MAF: variants seen among roughly 807,000 people sequenced by gnomAD.
MAF encodes MAF bZIP transcription factor.
A neutral mutation model predicts 22.0 loss-of-function variants in MAF; 10 were observed. The observed-to-expected ratio is 0.45, with a 90% confidence interval of 0.28 to 0.77. MAF has a LOEUF of 0.77. MAF is among the 30% of genes least tolerant of loss of function. The pLI is 0.12. For synonymous variants in MAF, 337 were observed against 255.8 expected (o/e 1.32, Z -3.03); for missense variants, 544 against 548.4 (o/e 0.99, Z 0.08).
At chr16:79,336,459 C>A in the MAF span, among the ~76,000 whole-genome samples, 1 of 152,162 alleles carries the variant, frequency 6.6e-6, no homozygotes, top group South Asian at 2.1e-4. Context: ...TTAGCTTCTT[C>A]AGGGATGCTG....
the MAF span, among the ~76,000 whole-genome samples, chr16:79,478,873 C>T: frequency 6.6e-6 from 1 of 151,150 alleles, no homozygotes; most frequent in Admixed American, 6.6e-5. Flanking sequence ...TACCTATATA[C>T]CATCTTAGTG....
chr16:79,430,142 C>T, the MAF span, among the ~76,000 whole-genome samples: 5 of 152,186 alleles, frequency 3.3e-5, no homozygotes, highest in African/African-American at 1.2e-4. Context: ...ACTCACTGCT[C>T]CCTTCTCCCT....
the MAF span, among the ~76,000 whole-genome samples, chr16:79,517,001 T>C: frequency 6.6e-6 from 1 of 152,232 alleles, no homozygotes; most frequent in African/African-American, 2.4e-5. Context: ...TCTTCTAGGA[T>C]CTGTGAATGG....
At chr16:79,237,592 G>C in the MAF span, among the ~76,000 whole-genome samples, 1 of 152,038 alleles carries the variant, frequency 6.6e-6, no homozygotes, top group African/African-American at 2.4e-5. Context: ...TGGAAATTCT[G>C]AGTAGGTGAG....
At chr16:79,458,192 C>T in the MAF span, among the ~76,000 whole-genome samples, 1 of 148,074 alleles carries the variant, frequency 6.8e-6, no homozygotes, top group Non-Finnish European at 1.5e-5. Flanking sequence ...AGAAAGAGCT[C>T]ATGACTTCCA....
the MAF span, among the ~76,000 whole-genome samples, chr16:79,371,790 G>A: frequency 2.0e-5 from 3 of 152,222 alleles, no homozygotes; most frequent in Non-Finnish European, 4.4e-5. Flanking sequence ...TGTTCTAAAA[G>A]GCCAACAGCT....
chr16:79,324,315 G>C, the MAF span, among the ~76,000 whole-genome samples: 5 of 152,074 alleles, frequency 3.3e-5, no homozygotes, highest in Admixed American at 6.5e-5. Context: ...TGAATTGTGT[G>C]GGTCTGCTTA....
At chr16:79,321,782 C>G in the MAF span, among the ~76,000 whole-genome samples, 1 of 151,074 alleles carries the variant, frequency 6.6e-6, no homozygotes, top group African/African-American at 2.4e-5. Flanking sequence ...TCCCTAGTAG[C>G]TGCGACTACA....
chr16:79,348,022 A>G, the MAF span, among the ~76,000 whole-genome samples: 241 of 151,834 alleles, frequency 1.6e-3, 4 homozygotes, highest in African/African-American at 5.5e-3. Flanking sequence ...TGATGTCTCT[A>G]TTTGCATAGT....
chr16:79,350,545 G>A, the MAF span, among the ~76,000 whole-genome samples: 2 of 152,138 alleles, frequency 1.3e-5, no homozygotes, highest in African/African-American at 2.4e-5. Flanking sequence ...ACCTGACTGC[G>A]TACTCAACAG....
chr16:79,401,620 T>A, the MAF span, among the ~76,000 whole-genome samples: 1 of 152,160 alleles, frequency 6.6e-6, no homozygotes, highest in Non-Finnish European at 1.5e-5. Context: ...AAAGAAATGA[T>A]GCCAGGGTAC....
the MAF span, among the ~76,000 whole-genome samples, chr16:79,254,188 C>T: frequency 2.6e-5 from 4 of 152,096 alleles, no homozygotes; most frequent in South Asian, 4.1e-4. Context: ...TATTATTCAA[C>T]ATTTTCGAAT....
chr16:79,375,633 G>A, the MAF span, among the ~76,000 whole-genome samples: 1 of 152,124 alleles, frequency 6.6e-6, no homozygotes, highest in South Asian at 2.1e-4. Flanking sequence ...ATGACAGCTG[G>A]TATTTAATGC....
chr16:79,223,348 G>A, the MAF span, among the ~76,000 whole-genome samples: 1 of 152,110 alleles, frequency 6.6e-6, no homozygotes, highest in Non-Finnish European at 1.5e-5. Flanking sequence ...GAATCTCTGG[G>A]ACACATTTAA....
intron 1 of MAF, among the ~76,000 whole-genome samples, chr16:79,586,559 G>C (rs1912854563): frequency 6.6e-6 from 1 of 152,160 alleles, no homozygotes; most frequent in African/African-American, 2.4e-5. Flanking sequence ...TGCTTAGAAC[G>C]GTGATATGAA....
chr16:79,361,072 G>C, the MAF span, among the ~76,000 whole-genome samples: 1 of 152,124 alleles, frequency 6.6e-6, no homozygotes, highest in African/African-American at 2.4e-5. Context: ...ACTATGAAAA[G>C]AAAGGCCCAA....
the MAF span, among the ~76,000 whole-genome samples, chr16:79,367,246 A>C: frequency 6.6e-6 from 1 of 152,152 alleles, no homozygotes. Context: ...TCTTTGAGGA[A>C]GTTAGCTCTC....
the MAF span, among the ~76,000 whole-genome samples, chr16:79,372,769 G>T: frequency 2.0e-5 from 3 of 152,116 alleles, no homozygotes; most frequent in Non-Finnish European, 4.4e-5. Flanking sequence ...AGCCTGTCTG[G>T]TTCAGCTCCA....
At chr16:79,278,849 G>A in the MAF span, among the ~76,000 whole-genome samples, 10 of 152,184 alleles carry the variant, frequency 6.6e-5, no homozygotes, top group East Asian at 5.8e-4. Flanking sequence ...CTGGATCTTC[G>A]GGGCAAAGGC....
Sources: allele counts gnomAD v4.1 joint callset (sites outside exome capture counted in the v4.1 genomes callset), GRCh38; gene constraint gnomAD v4.1.1; transcripts MANE v1.5; gene names NCBI Gene and HGNC (gene_info 2026-07-23, HGNC 2026-07-21).